UBE3D: variants seen among roughly 807,000 people sequenced by gnomAD.
The protein encoded by UBE3D is E3 ubiquitin-protein ligase E3D.
In UBE3D, 48 loss-of-function variants were observed where a neutral mutation model predicts 49.6. The observed-to-expected ratio is 0.97, with a 90% confidence interval of 0.77 to 1.23. The LOEUF (loss-of-function observed/expected upper bound fraction) is 1.23. UBE3D is among the 50% of genes most tolerant of loss of function. The pLI, the probability that UBE3D is intolerant of heterozygous loss-of-function variation, is 0.00. For synonymous variants in UBE3D, 189 were observed against 174.2 expected (o/e 1.08, Z -0.67); for missense variants, 452 against 468.4 (o/e 0.96, Z 0.32).
intron 8 of UBE3D, among the ~76,000 whole-genome samples, chr6:82,988,443 T>C (rs1378384440): frequency 6.6e-6 from 1 of 152,134 alleles, no homozygotes; most frequent in Non-Finnish European, 1.5e-5. Context: ...ACTGACCCTC[T>C]CAGTGAAGTA....
chr6:83,065,019 C>T (rs1235723950), intron 1 of UBE3D, among the ~76,000 whole-genome samples: 4 of 152,128 alleles, frequency 2.6e-5, no homozygotes, highest in Non-Finnish European at 5.9e-5. Context: ...AACATTTTTC[C>T]TAAAAGTTAT....
downstream of UBE3D, among the ~76,000 whole-genome samples, chr6:82,890,510 C>T (rs537088446): frequency 6.6e-6 from 1 of 152,320 alleles, no homozygotes; most frequent in Admixed American, 6.5e-5. Flanking sequence ...TTATGTGATT[C>T]ATGACAGATG....
At chr6:83,009,765 A>T (rs1468392733) in intron 8 of UBE3D, among the ~76,000 whole-genome samples, 1 of 146,948 alleles carries the variant, frequency 6.8e-6, no homozygotes, top group Non-Finnish European at 1.5e-5. Context: ...GGTATAATAA[A>T]TTTTCAGATA....
intron 8 of UBE3D, among the ~76,000 whole-genome samples, chr6:82,965,745 T>G (rs544586123): frequency 3.9e-5 from 6 of 152,274 alleles, no homozygotes; most frequent in African/African-American, 1.4e-4. Flanking sequence ...CTTTTCATTA[T>G]GGAAAATTTC....
chr6:82,893,068 T>C, intron 9 of UBE3D, 26 bp from the exon 10 acceptor site: 1 of 1,613,040 alleles, frequency 6.2e-7, no homozygotes, highest in Non-Finnish European at 8.5e-7. Flanking sequence ...AAACCCACAA[T>C]GCTTTACTTC....
intron 3 of UBE3D, among the ~76,000 whole-genome samples, chr6:83,048,358 G>A (rs1783223654): frequency 6.6e-6 from 1 of 152,140 alleles, no homozygotes; most frequent in Non-Finnish European, 1.5e-5. Context: ...AGCAGAAGAA[G>A]AGGGCAAATA....
intron 8 of UBE3D, among the ~76,000 whole-genome samples, chr6:82,992,305 C>A (rs1031702852): frequency 8.6e-5 from 13 of 150,836 alleles, no homozygotes; most frequent in African/African-American, 3.2e-4. Flanking sequence ...TCACTGCAAC[C>A]TCTGCCTCCT....
intron 8 of UBE3D, among the ~76,000 whole-genome samples, chr6:82,986,910 A>G (rs1212747716): frequency 6.6e-6 from 1 of 151,190 alleles, no homozygotes; most frequent in African/African-American, 2.4e-5. Context: ...TAGCTTTCAA[A>G]AAGCCTGCCC....
chr6:82,942,123 TG>T (rs1775059697), intron 9 of UBE3D, among the ~76,000 whole-genome samples: 1 of 152,194 alleles, frequency 6.6e-6, no homozygotes, highest in Non-Finnish European at 1.5e-5. Flanking sequence ...ACCAACATGC[TG>T]ATAGTGATAT....
At chr6:83,043,622 TCA>T (rs1263993484) in intron 4 of UBE3D, among the ~76,000 whole-genome samples, 2 of 152,212 alleles carry the variant, frequency 1.3e-5, no homozygotes, top group African/African-American at 4.8e-5. Flanking sequence ...CTGCAGTCGC[TCA>T]GTTATTATTA....
intron 3 of UBE3D, among the ~76,000 whole-genome samples, chr6:83,049,188 T>C (rs1582746177): frequency 6.6e-6 from 1 of 151,900 alleles, no homozygotes; most frequent in African/African-American, 2.4e-5. Flanking sequence ...ATAAGGAAAA[T>C]AAAATTATGC....
rs185242856 is a variant in UBE3D, at chr6:82,985,657, C to T, written c.1011-28207G>A. ...GATTACAGGCATCAGCCACTGCACCCGGCCATGTGGTTTTCTTTTTAAACC... is the reference window on the plus strand; with the variant it reads ...GATTACAGGCATCAGCCACTGCACCTGGCCATGTGGTTTTCTTTTTAAACC... On this transcript the variant is annotated intron_variant, in intron 8 of 9. Coordinates refer to ENST00000369747, the MANE Select transcript of UBE3D (RefSeq NM_198920.3). Among the ~76,000 whole-genome samples the T allele has an allele frequency of 3.4e-4, 52 of 152,256 alleles. 1 individual carries two copies. Among genetic ancestry groups the T allele is most frequent in the Admixed American group, 6.5e-4 (10 of 15,288 alleles).
chr6:82,949,070 A>T (rs967867407), intron 9 of UBE3D, among the ~76,000 whole-genome samples: 5 of 152,092 alleles, frequency 3.3e-5, no homozygotes, highest in Admixed American at 3.3e-4. Flanking sequence ...GAAAGGAACA[A>T]ATCAAGTTAT....
At chr6:82,957,973 C>T (rs80307190) in intron 8 of UBE3D, among the ~76,000 whole-genome samples, 3,139 of 152,248 alleles carry the variant, frequency 0.021, 48 homozygotes, top group Non-Finnish European at 0.032. Context: ...GTAACAGCCC[C>T]AACTTATAAT....
intron 5 of UBE3D, among the ~76,000 whole-genome samples, chr6:83,030,354 T>C (rs1781778035): frequency 6.6e-6 from 1 of 152,190 alleles, no homozygotes; most frequent in Non-Finnish European, 1.5e-5. Flanking sequence ...TCCCATATCA[T>C]GTTCTCATGA....
rs112661405 is a variant in UBE3D, at chr6:83,022,659, C to G, written c.738-98G>C. ...ACACACACGGTACCTAAAAGGCAGA[C>G]ATATCCACATGCCAGACTTTTCTAC... On this transcript the variant is annotated intron_variant, in intron 6 of 9. Coordinates refer to ENST00000369747, the MANE Select transcript of UBE3D (RefSeq NM_198920.3). The G allele has an allele frequency of 2.8e-3, 2,023 of 717,546 alleles. 24 individuals are homozygous for G. The African/African-American group carries it at 0.033, about 12-fold the overall frequency. 44.4% of individuals were successfully genotyped at this position (717,546 alleles called of 1,614,324 possible).
intron 5 of UBE3D, among the ~76,000 whole-genome samples, chr6:83,025,539 G>A (rs1781393947): frequency 1.3e-5 from 2 of 152,044 alleles, no homozygotes; most frequent in African/African-American, 4.8e-5. Flanking sequence ...ACTGCTGTGA[G>A]AACAGAAAAT....
rs199636523 is a variant in UBE3D, at chr6:82,910,670, A to AT, written c.1150-17629dup. ...TCCAGAGGTTCCATGGTGATTTCCT[A>AT]TTTTTTTTTCTTTCTTTCACAAAAG... On this transcript the variant is annotated intron_variant, in intron 9 of 9. Transcript: ENST00000369747. Among the ~76,000 whole-genome samples, 512 of 151,338 alleles carry AT rather than the reference A, an allele frequency of 3.4e-3. 3 individuals are homozygous for AT. The highest frequency in any genetic ancestry group is 0.012 in the African/African-American group (490 of 41,270).
intron 9 of UBE3D, among the ~76,000 whole-genome samples, chr6:82,943,099 G>A (rs917955838): frequency 3.3e-5 from 5 of 152,244 alleles, no homozygotes; most frequent in Non-Finnish European, 2.9e-5. Context: ...AGTCAAAGGA[G>A]ATCAGTTTTG....
Sources: allele counts gnomAD v4.1 joint callset (sites outside exome capture counted in the v4.1 genomes callset), GRCh38; gene constraint gnomAD v4.1.1; transcripts MANE v1.5; gene names NCBI Gene and HGNC (gene_info 2026-07-23, HGNC 2026-07-21).